The following RPS6KC1 variants were observed in gnomAD, a reference collection of about 807,000 sequenced individuals.
The protein encoded by RPS6KC1 is inactive ribosomal protein S6 kinase delta-1.
In RPS6KC1, 54 loss-of-function variants were observed where a neutral mutation model predicts 103.8. That is an observed-to-expected ratio of 0.52 (90% CI 0.42 to 0.65). RPS6KC1 has a LOEUF of 0.65. Among genes scored for constraint, RPS6KC1 ranks in the 30% least tolerant of loss-of-function variants. The pLI is 0.00. For synonymous variants in RPS6KC1, 439 were observed against 438.7 expected, an observed-to-expected ratio of 1.00 and a Z score of -0.01; for missense variants, 1,151 against 1,253.8, an observed-to-expected ratio of 0.92 and a Z score of 1.24.
chr1:213,224,247 T>C (rs1009647548), intron 8 of RPS6KC1, among the ~76,000 whole-genome samples: 3 of 152,206 alleles, frequency 2.0e-5, no homozygotes, highest in Non-Finnish European at 2.9e-5. Flanking sequence ...ACAAATAGAC[T>C]CAAACCTGTA....
the RPS6KC1 span, among the ~76,000 whole-genome samples, chr1:213,441,840 A>G: frequency 1.3e-5 from 2 of 152,242 alleles, no homozygotes; most frequent in Admixed American, 6.5e-5. Context: ...TTGCTGAGTA[A>G]TTTTCAAATG....
the RPS6KC1 span, chr1:213,840,237 A>G: frequency 6.6e-6 from 1 of 152,098 alleles, no homozygotes; most frequent in African/African-American, 2.4e-5. Context: ...AGTACCTCCC[A>G]ATTTAATACA....
chr1:213,862,225 G>A, the RPS6KC1 span, among the ~76,000 whole-genome samples: 1 of 152,200 alleles, frequency 6.6e-6, no homozygotes, highest in Admixed American at 6.5e-5. Flanking sequence ...CTGCATTAGC[G>A]TGGAAATGAA....
the RPS6KC1 span, among the ~76,000 whole-genome samples, chr1:213,769,114 G>A: frequency 6.6e-6 from 1 of 152,180 alleles, no homozygotes; most frequent in African/African-American, 2.4e-5. Context: ...CATGATTAGG[G>A]ATCCAGAGTG....
At chr1:213,656,844 A>G in the RPS6KC1 span, among the ~76,000 whole-genome samples, 1 of 152,190 alleles carries the variant, frequency 6.6e-6, no homozygotes, top group African/African-American at 2.4e-5. Flanking sequence ...ATTCACAACG[A>G]TCATTTCCTT....
At chr1:213,213,250 G>T (rs1257061096) in intron 8 of RPS6KC1, among the ~76,000 whole-genome samples, 1 of 152,122 alleles carries the variant, frequency 6.6e-6, no homozygotes, top group Non-Finnish European at 1.5e-5. Context: ...TTTGTTAAGG[G>T]TGTAAGGTCT....
chr1:213,625,865 T>G, the RPS6KC1 span, among the ~76,000 whole-genome samples: 1 of 152,176 alleles, frequency 6.6e-6, no homozygotes, highest in South Asian at 2.1e-4. Flanking sequence ...GTCTTTGCTA[T>G]TGTGAATAGT....
At chr1:213,599,087 A>G in the RPS6KC1 span, among the ~76,000 whole-genome samples, 1 of 152,208 alleles carries the variant, frequency 6.6e-6, no homozygotes, top group Non-Finnish European at 1.5e-5. Flanking sequence ...TCACGCAATC[A>G]AAATGTATAG....
chr1:213,823,328 C>A, the RPS6KC1 span, among the ~76,000 whole-genome samples: 1 of 152,162 alleles, frequency 6.6e-6, no homozygotes, highest in African/African-American at 2.4e-5. Flanking sequence ...TCTGTGAGAG[C>A]AAATATTGTT....
At chr1:213,077,381 A>G (rs1227450534) in intron 2 of RPS6KC1, among the ~76,000 whole-genome samples, 3 of 152,236 alleles carry the variant, frequency 2.0e-5, no homozygotes, top group African/African-American at 7.2e-5. Context: ...ATATTTTTCC[A>G]GTATGAATAA....
At chr1:213,515,055 T>C in the RPS6KC1 span, among the ~76,000 whole-genome samples, 2 of 152,232 alleles carry the variant, frequency 1.3e-5, no homozygotes, top group Non-Finnish European at 2.9e-5. Context: ...TCATATCCTT[T>C]GCCCACTTGT....
chr1:213,262,803 C>T lies in RPS6KC1; in HGVS notation c.3077C>T (p.Ser1026Leu), dbSNP rs1463699113. ...GAATGTGTCTCTGAAGAGGCTCGCT[C>T]ACTCATTCAACAGGTAATTTAACTG... The part of the protein sequence containing the change: ...MPECVSEEAR[S>L]LIQQLLQFNP... Residue 1026 changes from serine (S) to leucine (L), a missense_variant, in exon 14 of 15, where the codon TCA becomes TTA. Transcript: ENST00000366960. 5 of 1,604,984 alleles carry T rather than the reference C, an allele frequency of 3.1e-6. No individual in the cohort carries two copies. The highest frequency in any genetic ancestry group is 2.2e-5 in the East Asian group (1 of 44,842).
At chr1:213,614,745 A>G in the RPS6KC1 span, among the ~76,000 whole-genome samples, 2 of 152,202 alleles carry the variant, frequency 1.3e-5, no homozygotes, top group Admixed American at 6.5e-5. Flanking sequence ...ACTGCCCTAG[A>G]AGTTTGCCAT....
intron 6 of RPS6KC1, among the ~76,000 whole-genome samples, chr1:213,138,524 A>C (rs2086643273): frequency 6.6e-6 from 1 of 152,112 alleles, no homozygotes; most frequent in Non-Finnish European, 1.5e-5. Context: ...CTTTACCCTC[A>C]AAGAGGCCTC....
At chr1:213,138,288 T>A (rs1007599484) in intron 6 of RPS6KC1, among the ~76,000 whole-genome samples, 36 of 152,268 alleles carry the variant, frequency 2.4e-4, no homozygotes, top group Non-Finnish European at 2.4e-4. Context: ...TTTTTTTTTT[T>A]AAAACCAAAT....
At chr1:213,628,007 C>T in the RPS6KC1 span, among the ~76,000 whole-genome samples, 1 of 152,164 alleles carries the variant, frequency 6.6e-6, no homozygotes, top group Non-Finnish European at 1.5e-5. Flanking sequence ...GGTACCAGCT[C>T]CTCCTTGTAC....
intron 1 of RPS6KC1, among the ~76,000 whole-genome samples, chr1:213,068,498 AAAAAAAAAAAAG>A (rs2078548004): frequency 6.6e-6 from 1 of 150,584 alleles, no homozygotes; most frequent in Non-Finnish European, 1.5e-5. Flanking sequence ...AAAAAAAAAA[AAAAAAAAAAAAG>A]AAACACTTAT....
chr1:213,547,170 G>A, the RPS6KC1 span, among the ~76,000 whole-genome samples: 1 of 152,156 alleles, frequency 6.6e-6, no homozygotes, highest in East Asian at 1.9e-4. Flanking sequence ...AAAGGTACCT[G>A]CTATCAGCAT....
the RPS6KC1 span, among the ~76,000 whole-genome samples, chr1:213,709,338 A>G: frequency 6.6e-6 from 1 of 152,180 alleles, no homozygotes; most frequent in African/African-American, 2.4e-5. Flanking sequence ...TCAGTTGCAT[A>G]GAGGTGTTTA....
Sources: gnomAD v4.1 joint callset for allele counts (sites outside exome capture counted in the v4.1 genomes callset) on GRCh38, gnomAD v4.1.1 for gene constraint, MANE v1.5 for transcripts, NCBI Gene and HGNC (gene_info 2026-07-23, HGNC 2026-07-21) for gene names.